The following FLI1 variants were observed in gnomAD, a reference collection of about 807,000 sequenced individuals.
FLI1 encodes Friend leukemia integration 1 transcription factor.
Under a neutral mutation model 53.1 loss-of-function variants are expected in FLI1, and 13 were observed. The observed-to-expected ratio is 0.24, with a 90% CI of 0.16 to 0.39. FLI1 has a LOEUF of 0.39. Among genes scored for constraint, FLI1 ranks in the 10% least tolerant of loss-of-function variants. The pLI, the probability that FLI1 is intolerant of heterozygous loss-of-function variation, is 1.00. For missense variants in FLI1, 424 were observed against 600.5 expected (o/e 0.71, Z 3.07); for synonymous variants, 244 against 236.7 (o/e 1.03, Z -0.28).
chr11:128,702,577 T>C (rs765456515), intron 1 of FLI1, among the ~76,000 whole-genome samples: 2 of 152,186 alleles, frequency 1.3e-5, no homozygotes, highest in Non-Finnish European at 2.9e-5. Flanking sequence ...TATATTAACA[T>C]GGGGCCAGGC....
chr11:128,746,358 C>T (rs1329980606), intron 1 of FLI1, among the ~76,000 whole-genome samples: 2 of 151,684 alleles, frequency 1.3e-5, no homozygotes, highest in African/African-American at 4.8e-5. Context: ...CAACCAAGGG[C>T]ACATGCCATC....
chr11:128,757,102 T>TTCTTTCTC (rs1555116970), intron 1 of FLI1, among the ~76,000 whole-genome samples: 10 of 128,692 alleles, frequency 7.8e-5, no homozygotes, highest in Non-Finnish European at 1.4e-4. Context: ...CTTTCTTTCT[T>TTCTTTCTC]TCTTTCTTTC....
intron 1 of FLI1, among the ~76,000 whole-genome samples, chr11:128,739,450 T>A (rs933911871): frequency 6.6e-6 from 1 of 150,594 alleles, no homozygotes; most frequent in Non-Finnish European, 1.5e-5. Flanking sequence ...CCCATCTCAG[T>A]CTTTAATCTG....
rs766077047 is a variant in FLI1 at position 128,698,733 on chromosome 11, T to TGTGTGTGA, written c.18+4458_18+4459insTGTGTGAG. Among the ~76,000 whole-genome samples, 279 of 133,806 alleles carry TGTGTGTGA rather than the reference T, an allele frequency of 2.1e-3. 2 individuals are homozygous for TGTGTGTGA. The highest frequency in any genetic ancestry group is 6.6e-3 in the African/African-American group (240 of 36,448). The allele number at this position is 133,806 out of a possible 152,430, so 87.8% of individuals were successfully genotyped here. ...TTGCGTGTGTGTGTGTGTGTGTGTGTGAGAGAGAGAGAGAGAGAGAGAAGT... is the reference window on the plus strand; with the variant it reads ...TTGCGTGTGTGTGTGTGTGTGTGTGTGTGTGTGAGAGAGAGAGAGAGAGAGAGAGAAGT... On this transcript the variant is annotated intron_variant, in intron 1 of 8. Coordinates refer to ENST00000527786, the MANE Select transcript of FLI1 (RefSeq NM_002017.5).
At chr11:128,801,067 G>A (rs1942623582) in intron 5 of FLI1, among the ~76,000 whole-genome samples, 1 of 152,196 alleles carries the variant, frequency 6.6e-6, no homozygotes, top group Non-Finnish European at 1.5e-5. Context: ...GTACACTGGT[G>A]CCGACGGCCA....
Position 128,811,312 on chromosome 11 carries a change from T to C in FLI1, c.*324T>C. ...TCTGAGAAAGAAGCTGTACGTTTTC[T>C]TTATGTTTTTATGACCAAAGCAGTT... On this transcript the variant is annotated 3_prime_UTR_variant, in exon 9 of 9. Transcript: ENST00000527786. 1 of 405,288 alleles carries C rather than the reference T, an allele frequency of 2.5e-6. No homozygotes were observed. The highest frequency in any genetic ancestry group is 4.5e-6 in the Non-Finnish European group (1 of 224,282). The allele number at this position is 405,288 out of a possible 1,614,324, so 25.1% of individuals were successfully genotyped here.
intron 1 of FLI1, among the ~76,000 whole-genome samples, chr11:128,756,161 A>G (rs1831053375): frequency 6.6e-6 from 1 of 152,242 alleles, no homozygotes; most frequent in South Asian, 2.1e-4. Flanking sequence ...TCCATTTGCT[A>G]GGGTTTCCAT....
In FLI1 at chr11:128,811,093, G is replaced by C; in HGVS notation, c.*105G>C. Reference sequence around the variant, plus strand: ...TGGCCTTGAAGGGAAGACAAAACTGGATGTTCTTTCTTGTTGGATAGAACC... The same window carrying C: ...TGGCCTTGAAGGGAAGACAAAACTGCATGTTCTTTCTTGTTGGATAGAACC... On this transcript the variant is annotated 3_prime_UTR_variant, in exon 9 of 9. Transcript: ENST00000527786. The C allele has an allele frequency of 9.3e-7, 1 of 1,080,710 alleles. No individual in the cohort carries two copies. Among genetic ancestry groups the C allele is most frequent in the Non-Finnish European group, 1.4e-6 (1 of 723,718 alleles). The allele number at this position is 1,080,710 out of a possible 1,614,324, so 66.9% of individuals were successfully genotyped here.
chr11:128,791,590 A>C (rs1942273885), intron 5 of FLI1, among the ~76,000 whole-genome samples: 1 of 152,230 alleles, frequency 6.6e-6, no homozygotes, highest in South Asian at 2.1e-4. Context: ...AAAGTACCTT[A>C]AACTGTTCCC....
chr11:128,698,192 G>T (rs1266310288), intron 1 of FLI1, among the ~76,000 whole-genome samples: 1 of 152,222 alleles, frequency 6.6e-6, no homozygotes, highest in Non-Finnish European at 1.5e-5. Flanking sequence ...AGAAGCAGCA[G>T]AGTGAGGAAT....
intron 5 of FLI1, among the ~76,000 whole-genome samples, chr11:128,785,700 T>C (rs1942057119): frequency 6.6e-6 from 1 of 152,222 alleles, no homozygotes; most frequent in South Asian, 2.1e-4. Context: ...CACCAGCCCT[T>C]AGTTCTGACA....
chr11:128,749,074 A>G (rs570937465), intron 1 of FLI1, among the ~76,000 whole-genome samples: 1 of 152,186 alleles, frequency 6.6e-6, no homozygotes, highest in Admixed American at 6.5e-5. Flanking sequence ...TAATTCTGAG[A>G]TCGATTCCCC....
chr11:128,767,590 G>C (rs1270226768), intron 2 of FLI1, among the ~76,000 whole-genome samples: 2 of 151,262 alleles, frequency 1.3e-5, no homozygotes, highest in African/African-American at 4.8e-5. Context: ...ATAACTCACT[G>C]AGAAAGCATT....
intron 1 of FLI1, among the ~76,000 whole-genome samples, chr11:128,746,235 G>T (rs1940382364): frequency 1.3e-5 from 2 of 152,060 alleles, no homozygotes; most frequent in Non-Finnish European, 2.9e-5. Flanking sequence ...CAACAACTGG[G>T]GATGAAAACC....
chr11:128,688,297 C>T (rs1937617152), intron 1 of FLI1, among the ~76,000 whole-genome samples: 1 of 152,246 alleles, frequency 6.6e-6, no homozygotes, highest in Non-Finnish European at 1.5e-5. Flanking sequence ...AGTCTGGGAG[C>T]TGTGGGCCGC....
chr11:128,771,346 G>A (rs933855625), intron 3 of FLI1, among the ~76,000 whole-genome samples: 13 of 152,352 alleles, frequency 8.5e-5, no homozygotes, highest in African/African-American at 3.1e-4. Flanking sequence ...TGCATGGGCA[G>A]GGCCTGGGCA....
intron 1 of FLI1, among the ~76,000 whole-genome samples, chr11:128,725,503 G>A (rs1939433671): frequency 6.6e-6 from 1 of 152,212 alleles, no homozygotes; most frequent in Non-Finnish European, 1.5e-5. Context: ...ATGCTCAAGT[G>A]CCCGCAAATG....
chr11:128,800,730 T>C (rs1391645957), intron 5 of FLI1, among the ~76,000 whole-genome samples: 1 of 152,180 alleles, frequency 6.6e-6, no homozygotes, highest in Non-Finnish European at 1.5e-5. Context: ...CATCACATAA[T>C]GGTGATACTG....
intron 1 of FLI1, among the ~76,000 whole-genome samples, chr11:128,718,250 A>G (rs1019202877): frequency 3.3e-5 from 5 of 152,220 alleles, no homozygotes; most frequent in African/African-American, 4.8e-5. Context: ...TTATGATTCA[A>G]AAAAGAGGCC....
Sources: gnomAD v4.1 joint callset for allele counts (sites outside exome capture counted in the v4.1 genomes callset) on GRCh38, gnomAD v4.1.1 for gene constraint, MANE v1.5 for transcripts, NCBI Gene and HGNC (gene_info 2026-07-23, HGNC 2026-07-21) for gene names.